The following GABBR1 variants were observed in gnomAD, a reference collection of about 807,000 sequenced individuals.
GABBR1 encodes gamma-aminobutyric acid type B receptor subunit 1.
A neutral mutation model predicts 117.7 loss-of-function variants in GABBR1; 35 were observed. The ratio of observed to expected loss-of-function variants is 0.30; its 90% CI spans 0.23 to 0.39. GABBR1 has a LOEUF of 0.39. Among genes scored for constraint, GABBR1 ranks in the 10% least tolerant of loss-of-function variants. The pLI is 1.00. For synonymous variants in GABBR1, 442 were observed against 486.6 expected (o/e 0.91, Z 1.21); for missense variants, 709 against 1,241.8 (o/e 0.57, Z 6.45).
intron 11 of GABBR1, among the ~76,000 whole-genome samples, chr6:29,617,652 A>G (rs1763292667): frequency 2.0e-5 from 3 of 152,206 alleles, no homozygotes. Context: ...ATGATGAATA[A>G]TCTCAAAATC....
chr6:29,605,699 A>G lies in GABBR1; in HGVS notation c.2312-3T>C, dbSNP rs1761872968. On this transcript the variant is annotated splice_region_variant and splice_polypyrimidine_tract_variant and intron_variant, in intron 19 of 22. Transcript: ENST00000377034. This position sits in a 1 kb window ranked among gnomAD's most constrained non-coding sequence, Gnocchi z 4.2. Reference sequence around the variant, plus strand: ...CCCCTTGTAACCATAGAAAATGCCTAGGATGGCAGGAGAGAGTCACTTGAG... The same window carrying G: ...CCCCTTGTAACCATAGAAAATGCCTGGGATGGCAGGAGAGAGTCACTTGAG... 1.2e-6 allele frequency: 2 copies of G among 1,611,716 alleles called. No homozygotes were observed. The highest frequency in any genetic ancestry group is 1.3e-5 in the African/African-American group (1 of 74,936).
chr6:29,628,196 A>AG, intron 5 of GABBR1: 7 of 257,764 alleles, frequency 2.7e-5, no homozygotes, highest in Non-Finnish European at 2.6e-5. Flanking sequence ...CGGGGAGGGG[A>AG]GGGGGGATGC....
chr6:29,608,071 G>A (rs1762138834), intron 16 of GABBR1, among the ~76,000 whole-genome samples: 1 of 152,234 alleles, frequency 6.6e-6, no homozygotes, highest in African/African-American at 2.4e-5. Flanking sequence ...GTGGAAAAGA[G>A]AACCACTCAA....
At position 29,604,662 on chromosome 6, in the gene GABBR1, G is replaced by A. The variant is rs774700528; in HGVS notation, c.2569-25C>T. 1.2e-6 allele frequency: 2 copies of A among 1,613,002 alleles called. No individual in the cohort carries two copies. The highest frequency in any genetic ancestry group is 2.7e-5 in the African/African-American group (2 of 74,894). On this transcript the variant is annotated intron_variant, in intron 21 of 22. Transcript: ENST00000377034. This position sits in a 1 kb window ranked among gnomAD's most constrained non-coding sequence, Gnocchi z 5.3. ...TCTGGGGGCAAATGTTTGGGCGTGGGGTGGCCCAGCAAGGACTGTACTAGT... is the reference window on the plus strand; with the variant it reads ...TCTGGGGGCAAATGTTTGGGCGTGGAGTGGCCCAGCAAGGACTGTACTAGT...
chr6:29,607,074 G>T lies in GABBR1; in HGVS notation c.2109+28C>A. The T allele has an allele frequency of 6.2e-7, 1 of 1,607,356 alleles. No individual in the cohort carries two copies. Among genetic ancestry groups the T allele is most frequent in the Non-Finnish European group, 8.5e-7 (1 of 1,173,828 alleles). ...TCTGTGCCCCAGGAGCCAAGGATCTGGGGGCTGAGGATTGGGCAGCAGCTC... is the reference window on the plus strand; with the variant it reads ...TCTGTGCCCCAGGAGCCAAGGATCTTGGGGCTGAGGATTGGGCAGCAGCTC... On this transcript the variant is annotated intron_variant, in intron 17 of 22. Coordinates refer to ENST00000377034, the MANE Select transcript of GABBR1 (RefSeq NM_001470.4). This position sits in a 1 kb window ranked among gnomAD's most constrained non-coding sequence, Gnocchi z 5.0.
chr6:29,629,002 C>T (rs1403421243), intron 5 of GABBR1, 85 bp downstream of exon 5: 172 of 1,537,666 alleles, frequency 1.1e-4, no homozygotes, highest in Non-Finnish European at 1.5e-4. Flanking sequence ...GCCCCGTAGC[C>T]TAAGGGCAGA....
In GABBR1 at chr6:29,621,044, C is replaced by T; in HGVS notation, c.1323+57G>A. The T allele has an allele frequency of 6.7e-7, 1 of 1,491,110 alleles. No homozygotes were observed. Among genetic ancestry groups the T allele is most frequent in the Non-Finnish European group, 9.1e-7 (1 of 1,093,292 alleles). 92.4% of individuals were successfully genotyped at this position (1,491,110 alleles called of 1,614,324 possible). On this transcript the variant is annotated intron_variant, in intron 11 of 22. Coordinates refer to ENST00000377034, the MANE Select transcript of GABBR1 (RefSeq NM_001470.4). The surrounding 1 kb of genome is among the most constrained non-coding windows in gnomAD (Gnocchi z 5.0). The stretch of plus-strand genomic sequence containing the variant: ...CCCTGCCACCCTTTCCCCTGCAAGG[C>T]CCCCTCAGTCCTCTCCACCCTCCCA...
In GABBR1 at chr6:29,627,977, C is replaced by T. The variant is rs1764501975; in HGVS notation, c.497-331G>A. 4 of 1,342,058 alleles carry T rather than the reference C, an allele frequency of 3.0e-6. No individual in the cohort carries two copies. The highest frequency in any genetic ancestry group is 3.8e-6 in the Non-Finnish European group (4 of 1,055,928). 83.1% of individuals were successfully genotyped at this position (1,342,058 alleles called of 1,614,324 possible). A position where few individuals can be genotyped will look rare whatever the true frequency, so the allele number is the denominator to read the frequency against. ...CTACGGCCCCCGCGGCTCTCGCCAC[C>T]GTCGCCGCCACCGCGGACTCTCCTC... On this transcript the variant is annotated intron_variant, in intron 5 of 22. Transcript: ENST00000377034. This position sits in a 1 kb window ranked among gnomAD's most constrained non-coding sequence, Gnocchi z 4.4.
In GABBR1 at chr6:29,606,514, T is replaced by C. The variant is rs1301561791; in HGVS notation, c.2218-30A>G. 6.7e-7 allele frequency: 1 copy of C among 1,494,116 alleles called. No individual in the cohort carries two copies. Among genetic ancestry groups the C allele is most frequent in the South Asian group, 1.1e-5 (1 of 88,820 alleles). 92.6% of individuals were successfully genotyped at this position (1,494,116 alleles called of 1,614,324 possible). On this transcript the variant is annotated intron_variant, in intron 18 of 22. Coordinates refer to ENST00000377034, the MANE Select transcript of GABBR1 (RefSeq NM_001470.4). This position sits in a 1 kb window ranked among gnomAD's most constrained non-coding sequence, Gnocchi z 4.5. Reference sequence around the variant, plus strand: ...GGCAGAAACAAGGTCACAAGAAAGATGGTTGCCAGCCTCCCCTCCTCTCCT... The same window carrying C: ...GGCAGAAACAAGGTCACAAGAAAGACGGTTGCCAGCCTCCCCTCCTCTCCT...
chr6:29,629,176 C>T (rs948065411), intron 4 of GABBR1, 69 bp from the exon 5 acceptor site: 2 of 1,558,946 alleles, frequency 1.3e-6, no homozygotes, highest in African/African-American at 1.4e-5. Flanking sequence ...GCCTGATCCC[C>T]AGCCCCCTCC....
In GABBR1 at chr6:29,614,981, C is replaced by CAAAAAAA. The variant is rs202165362; in HGVS notation, c.1324-1503_1324-1497dup. Among the ~76,000 whole-genome samples the CAAAAAAA allele has an allele frequency of 2.0e-3, 162 of 81,116 alleles. 6 individuals carry two copies. The highest frequency in any genetic ancestry group is 4.1e-3 in the East Asian group (11 of 2,664). The allele number at this position is 81,116 out of a possible 152,430, so 53.2% of individuals were successfully genotyped here. On this transcript the variant is annotated intron_variant, in intron 11 of 22. Coordinates refer to ENST00000377034, the MANE Select transcript of GABBR1 (RefSeq NM_001470.4). ...ATTCTGCTGGGAAACTAAAACTGCT[C>CAAAAAAA]AAAAAAAAAAAAAAAAAAAAAAGGC...
chr6:29,628,208 AC>A lies in GABBR1; in HGVS notation c.497-563del, dbSNP rs1372407856. 3.2e-6 allele frequency: 3 copies of A among 931,428 alleles called. No individual in the cohort carries two copies. The African/African-American group carries it at 5.9e-5, about 18-fold the overall frequency. The allele number at this position is 931,428 out of a possible 1,614,324, so 57.7% of individuals were successfully genotyped here. A position where few individuals can be genotyped will look rare whatever the true frequency, so the allele number is the denominator to read the frequency against. On this transcript the variant is annotated intron_variant, in intron 5 of 22. Transcript: ENST00000377034. The stretch of plus-strand genomic sequence containing the variant: ...GGGCGGGGAGGGGAGGGGGGATGCA[AC>A]CTCGAGGAGGAAAGGAACGAAAGAG...
rs1400518342 is a variant in GABBR1, at chr6:29,631,130, A to T, written c.289+266T>A. Among the ~76,000 whole-genome samples, 1 of 152,196 alleles carries T rather than the reference A, an allele frequency of 6.6e-6. No homozygotes were observed. The highest frequency in any genetic ancestry group is 2.4e-5 in the African/African-American group (1 of 41,424). On this transcript the variant is annotated intron_variant, in intron 3 of 22. Transcript: ENST00000377034. The surrounding 1 kb of genome is among the most constrained non-coding windows in gnomAD (Gnocchi z 5.9). ...TCTGCCACTAATGATCCTCAAAGAG[A>T]ATAACTGACAAGATGAATTATCAAT...
Position 29,632,219 on chromosome 6 carries a change from G to T in GABBR1, c.85+82C>A. On this transcript the variant is annotated intron_variant, in intron 2 of 22. Coordinates refer to ENST00000377034, the MANE Select transcript of GABBR1 (RefSeq NM_001470.4). The surrounding 1 kb of genome is among the most constrained non-coding windows in gnomAD (Gnocchi z 5.8). The stretch of plus-strand genomic sequence containing the variant: ...GATGATATGTGGGACTGATGGGATA[G>T]TGATGAGGACCAGAAATGAGGAGAT... The T allele has an allele frequency of 2.3e-6, 2 of 855,172 alleles. No homozygotes were observed. Among genetic ancestry groups the T allele is most frequent in the Non-Finnish European group, 3.4e-6 (2 of 588,440 alleles). 53.0% of individuals were successfully genotyped at this position (855,172 alleles called of 1,614,324 possible).
In GABBR1 at chr6:29,613,405, C is replaced by A; in HGVS notation, c.1404G>T (p.Pro468=). 6.2e-7 allele frequency: 1 copy of A among 1,612,994 alleles called. No homozygotes were observed. Among genetic ancestry groups the A allele is most frequent in the African/African-American group, 1.3e-5 (1 of 74,946 alleles). Residue 468 remains proline (P), a synonymous_variant, in exon 12 of 23, where the codon CCG becomes CCT. Transcript: ENST00000377034. This position sits in a 1 kb window ranked among gnomAD's most constrained non-coding sequence, Gnocchi z 4.1. ...PEETGGFQEA[P]LAYDAIWALA... ...AGGCCCAGATGGCATCATAGGCCAGCGGTGCCTCCTGGAAGCCTCCTGTCT... is the reference window on the plus strand; with the variant it reads ...AGGCCCAGATGGCATCATAGGCCAGAGGTGCCTCCTGGAAGCCTCCTGTCT...
rs115154981 is a variant in GABBR1, at chr6:29,613,480, G to A, written c.1329C>T (p.Ser443=). 998 of 1,611,898 alleles carry A rather than the reference G, an allele frequency of 6.2e-4. 2 individuals are homozygous for A. The highest frequency in any genetic ancestry group is 3.6e-3 in the Admixed American group (217 of 59,956). ...ANTRSISNMT[S]QEFVEKLTKR... ...TGGTTAGTTTCTCCACAAATTCCTG[G>A]GATGTCTTGGGAGGAAAAAATCATG... The change falls in exon 12 of 23, where the codon TCC becomes TCT. Residue 443 remains serine (S), a synonymous_variant. Coordinates refer to ENST00000377034, the MANE Select transcript of GABBR1 (RefSeq NM_001470.4). The surrounding 1 kb of genome is among the most constrained non-coding windows in gnomAD (Gnocchi z 4.1).
chr6:29,629,378 T>C (rs111899589), intron 4 of GABBR1: 269 of 619,282 alleles, frequency 4.3e-4, no homozygotes, highest in African/African-American at 3.5e-3. Context: ...CTTGGTTCTG[T>C]GGTGCCTGAA....
intron 11 of GABBR1, among the ~76,000 whole-genome samples, chr6:29,617,339 G>A (rs1196131440): frequency 1.7e-5 from 2 of 114,754 alleles, no homozygotes; most frequent in Non-Finnish European, 3.3e-5. Context: ...GTCTTGCTCT[G>A]TTGCCAGGCT....
At position 29,621,996 on chromosome 6, in the gene GABBR1, G is replaced by T; in HGVS notation, c.1065+108C>A. The T allele has an allele frequency of 1.8e-6, 2 of 1,089,438 alleles. No individual in the cohort carries two copies. The highest frequency in any genetic ancestry group is 2.8e-6 in the Non-Finnish European group (2 of 722,226). The allele number at this position is 1,089,438 out of a possible 1,614,324, so 67.5% of individuals were successfully genotyped here. On this transcript the variant is annotated intron_variant, in intron 9 of 22. Transcript: ENST00000377034. This position sits in a 1 kb window ranked among gnomAD's most constrained non-coding sequence, Gnocchi z 5.0. Reference sequence around the variant, plus strand: ...CTAAACTTCCCCAGGAGATGCTATTGCCTCAGAGAATCAAAACCTGCCCCC... The same window carrying T: ...CTAAACTTCCCCAGGAGATGCTATTTCCTCAGAGAATCAAAACCTGCCCCC...
Sources: gnomAD v4.1 joint callset for allele counts (sites outside exome capture counted in the v4.1 genomes callset) on GRCh38, gnomAD v4.1.1 for gene constraint, Gnocchi (gnomAD v3.1) non-coding constraint, MANE v1.5 for transcripts, NCBI Gene and HGNC (gene_info 2026-07-23, HGNC 2026-07-21) for gene names.